Variants in THSD7B observed in about 807,000 individuals in gnomAD.
THSD7B encodes thrombospondin type-1 domain-containing protein 7B.
THSD7B carries 138 observed loss-of-function variants against 213.6 expected under a neutral mutation model. The ratio of observed to expected loss-of-function variants is 0.65; its 90% CI spans 0.56 to 0.74. The LOEUF (loss-of-function observed/expected upper bound fraction) is 0.74, where lower values mean the gene tolerates loss of function less well. Ranked by LOEUF, THSD7B falls within the 30% of genes least tolerant of loss-of-function variation. THSD7B has a pLI of 0.00. For missense variants in THSD7B, 1,931 were observed against 1,991.5 expected, an observed-to-expected ratio of 0.97 and a Z score of 0.58; for synonymous variants, 742 against 687.0, an observed-to-expected ratio of 1.08 and a Z score of -1.25.
intron 1 of THSD7B, among the ~76,000 whole-genome samples, chr2:136,808,482 C>A (rs541914144): frequency 6.6e-6 from 1 of 152,290 alleles, no homozygotes; most frequent in Admixed American, 6.5e-5. Flanking sequence ...TTATGTCCAT[C>A]ACCTATTGAA....
At chr2:137,486,456 AT>A (rs1688446592) in intron 15 of THSD7B, among the ~76,000 whole-genome samples, 1 of 151,520 alleles carries the variant, frequency 6.6e-6, no homozygotes, top group South Asian at 2.1e-4. Flanking sequence ...TCCTAAATAT[AT>A]ATGCACCCAA....
At chr2:136,960,878 A>G (rs755003014) in intron 2 of THSD7B, among the ~76,000 whole-genome samples, 6 of 151,814 alleles carry the variant, frequency 4.0e-5, no homozygotes, top group African/African-American at 1.2e-4. Flanking sequence ...TCGCAAGGTC[A>G]GGAGATCAAG....
At chr2:136,833,752 C>T (rs1198456467) in intron 1 of THSD7B, among the ~76,000 whole-genome samples, 1 of 152,068 alleles carries the variant, frequency 6.6e-6, no homozygotes, top group Non-Finnish European at 1.5e-5. Context: ...GTCTTTCTTT[C>T]TCATATGTCA....
chr2:137,510,418 A>ATG (rs1192848506), intron 15 of THSD7B, among the ~76,000 whole-genome samples: 1 of 152,084 alleles, frequency 6.6e-6, no homozygotes, highest in Admixed American at 6.5e-5. Context: ...CATGTATATT[A>ATG]TATCTGTGCA....
chr2:137,537,048 A>G (rs770459613), intron 15 of THSD7B, among the ~76,000 whole-genome samples: 1 of 151,828 alleles, frequency 6.6e-6, no homozygotes, highest in Non-Finnish European at 1.5e-5. Context: ...TGGACAAACC[A>G]AAATGCGTGG....
chr2:136,787,929 T>A (rs957582065), intron 1 of THSD7B, among the ~76,000 whole-genome samples: 2 of 152,156 alleles, frequency 1.3e-5, no homozygotes, highest in African/African-American at 2.4e-5. Context: ...GATCTGTGAT[T>A]AGTGTGTAGC....
Position 137,330,529 on chromosome 2 carries a change from C to T in THSD7B, c.2500+54503C>T, listed in dbSNP as rs545886005. 2.6e-5 allele frequency among the ~76,000 whole-genome samples: 4 copies of T among 152,232 alleles called. No homozygotes were observed. In the East Asian group the frequency reaches 7.8e-4, roughly 30 times the overall value. On this transcript the variant is annotated intron_variant, in intron 12 of 27. Coordinates refer to ENST00000409968, the MANE Select transcript of THSD7B (RefSeq NM_001316349.2). Reference sequence around the variant, plus strand: ...GATGTTCGGATATGCTAGGAGTTTTCTTCCTTCTGGTGGGTTCGTGGTCGT... The same window carrying T: ...GATGTTCGGATATGCTAGGAGTTTTTTTCCTTCTGGTGGGTTCGTGGTCGT...
intron 7 of THSD7B, among the ~76,000 whole-genome samples, chr2:137,187,988 T>C (rs1680582598): frequency 6.6e-6 from 1 of 152,180 alleles, no homozygotes; most frequent in South Asian, 2.1e-4. Context: ...TCCCCAATGT[T>C]TAGAACTACC....
intron 12 of THSD7B, among the ~76,000 whole-genome samples, chr2:137,364,795 C>T (rs932098779): frequency 7.2e-5 from 11 of 152,194 alleles, no homozygotes; most frequent in Non-Finnish European, 8.8e-5. Flanking sequence ...GAATCAATAT[C>T]GTGAAAATGG....
chr2:137,439,030 A>G (rs780459556), intron 14 of THSD7B, among the ~76,000 whole-genome samples: 2 of 152,116 alleles, frequency 1.3e-5, no homozygotes, highest in Non-Finnish European at 2.9e-5. Context: ...AGCAAGGGCC[A>G]CCAGGAGCCA....
intron 12 of THSD7B, among the ~76,000 whole-genome samples, chr2:137,404,543 CAT>C (rs1248456494): frequency 8.2e-6 from 1 of 121,524 alleles, no homozygotes; most frequent in Non-Finnish European, 1.8e-5. Context: ...TATATACACA[CAT>C]ACTATATATT....
rs1259422279 is a variant in THSD7B at position 137,419,421 on chromosome 2, G to C, written c.2959+7549G>C. ...ATGAGGATACACTGATAATCGAAGA[G>C]TGAAAAGGACAGAGAATAATGTTAC... On this transcript the variant is annotated intron_variant, in intron 14 of 27. Coordinates refer to ENST00000409968, the MANE Select transcript of THSD7B (RefSeq NM_001316349.2). Among the ~76,000 whole-genome samples, 3 of 34,454 alleles carry C rather than the reference G, an allele frequency of 8.7e-5. 1 individual carries two copies. Among genetic ancestry groups the C allele is most frequent in the African/African-American group, 1.4e-4 (3 of 21,740 alleles). 22.6% of individuals were successfully genotyped at this position (34,454 alleles called of 152,430 possible). A position where few individuals can be genotyped will look rare whatever the true frequency, so the allele number is the denominator to read the frequency against.
rs900175288 is a variant in THSD7B, at chr2:137,311,989, C to T, written c.2500+35963C>T. On this transcript the variant is annotated intron_variant, in intron 12 of 27. Coordinates refer to ENST00000409968, the MANE Select transcript of THSD7B (RefSeq NM_001316349.2). The stretch of plus-strand genomic sequence containing the variant: ...TCTCTTTTTTGGTTGTGTCTCTGCC[C>T]GGCTTTGGTATCAGGATGATGCTGG... Among the ~76,000 whole-genome samples, 102 of 146,970 alleles carry T rather than the reference C, an allele frequency of 6.9e-4. 1 individual carries two copies. Among genetic ancestry groups the T allele is most frequent in the Middle Eastern group, 6.8e-3 (2 of 292 alleles).
intron 1 of THSD7B, among the ~76,000 whole-genome samples, chr2:136,838,050 TAAAGC>T (rs1682870315): frequency 6.6e-6 from 1 of 152,250 alleles, no homozygotes; most frequent in Non-Finnish European, 1.5e-5. Context: ...ATGTTTTTTA[TAAAGC>T]ATAAGTAAAA....
chr2:136,867,461 C>T (rs80150541), intron 1 of THSD7B, among the ~76,000 whole-genome samples: 134 of 152,264 alleles, frequency 8.8e-4, no homozygotes, highest in African/African-American at 3.2e-3. Flanking sequence ...TTCTTACCCA[C>T]ACTTTTCTGC....
chr2:137,070,210 A>G (rs1474427757), intron 3 of THSD7B, among the ~76,000 whole-genome samples: 1 of 148,970 alleles, frequency 6.7e-6, no homozygotes, highest in African/African-American at 2.5e-5. Flanking sequence ...AGCAAGTTAT[A>G]TAATCCTTTT....
chr2:137,448,764 A>C (rs1307021529), intron 14 of THSD7B, among the ~76,000 whole-genome samples: 2 of 151,802 alleles, frequency 1.3e-5, no homozygotes, highest in Non-Finnish European at 2.9e-5. Flanking sequence ...GCGCCACTGC[A>C]CTCCAGCCTG....
At chr2:137,116,857 C>T (rs967147383) in intron 5 of THSD7B, among the ~76,000 whole-genome samples, 3 of 151,992 alleles carry the variant, frequency 2.0e-5, no homozygotes, top group Non-Finnish European at 2.9e-5. Context: ...CTATCAAGCC[C>T]GAGTACAATC....
At chr2:137,599,725 T>A (rs899974366) in intron 17 of THSD7B, among the ~76,000 whole-genome samples, 1 of 152,226 alleles carries the variant, frequency 6.6e-6, no homozygotes, top group African/African-American at 2.4e-5. Flanking sequence ...TCCCTTCTTG[T>A]ATGATATCGA....
Sources: gnomAD v4.1 joint callset for allele counts (sites outside exome capture counted in the v4.1 genomes callset) on GRCh38, gnomAD v4.1.1 for gene constraint, MANE v1.5 for transcripts, NCBI Gene and HGNC (gene_info 2026-07-23, HGNC 2026-07-21) for gene names.